VWC2L: variants seen among roughly 807,000 people sequenced by gnomAD.
VWC2L encodes the protein von Willebrand factor C domain-containing protein 2-like.
A neutral mutation model predicts 21.6 loss-of-function variants in VWC2L; 10 were observed. The ratio of observed to expected loss-of-function variants is 0.46; its 90% CI spans 0.29 to 0.78. The LOEUF (loss-of-function observed/expected upper bound fraction) is 0.78. Among genes scored for constraint, VWC2L ranks in the 30% least tolerant of loss-of-function variants. VWC2L has a pLI of 0.10. For missense variants in VWC2L, 209 were observed against 277.1 expected (o/e 0.75, Z 1.74); for synonymous variants, 96 against 94.3 (o/e 1.02, Z -0.10).
At chr2:214,490,285 A>G (rs1420002654) in intron 3 of VWC2L, among the ~76,000 whole-genome samples, 1 of 151,916 alleles carries the variant, frequency 6.6e-6, no homozygotes, top group Non-Finnish European at 1.5e-5. Flanking sequence ...TACTAGCCCC[A>G]AGTGCTTTAG....
In VWC2L at chr2:214,422,533, G is replaced by A. The variant is rs80289171; in HGVS notation, c.390+7950G>A. Among the ~76,000 whole-genome samples the A allele has an allele frequency of 8.3e-3, 1,268 of 152,278 alleles. 7 individuals are homozygous for A. The highest frequency in any genetic ancestry group is 0.01 in the Non-Finnish European group (714 of 68,024). Reference sequence around the variant, plus strand: ...TTTTTTAGTTGTCTTTTAGGGAAGCGTTTGAAACAAATAACTAAGAGGAGA... The same window carrying A: ...TTTTTTAGTTGTCTTTTAGGGAAGCATTTGAAACAAATAACTAAGAGGAGA... On this transcript the variant is annotated intron_variant, in intron 2 of 3. Coordinates refer to ENST00000312504, the MANE Select transcript of VWC2L (RefSeq NM_001080500.4).
chr2:214,504,130 A>G (rs950273990), intron 3 of VWC2L, among the ~76,000 whole-genome samples: 6 of 152,240 alleles, frequency 3.9e-5, no homozygotes, highest in Non-Finnish European at 1.5e-5. Context: ...ACTAAACAAA[A>G]ATCAAAAGAA....
rs539082225 is a variant in VWC2L, at chr2:214,448,098, C to G, written c.520+11340C>G. On this transcript the variant is annotated intron_variant, in intron 3 of 3. Coordinates refer to ENST00000312504, the MANE Select transcript of VWC2L (RefSeq NM_001080500.4). ...GTCCATTTTGCTGCTTTATTGTTCT[C>G]CACCATACCTACTGCCACATAAACA... Among the ~76,000 whole-genome samples, 98 of 152,156 alleles carry G rather than the reference C, an allele frequency of 6.4e-4. 1 individual carries two copies. Among genetic ancestry groups the G allele is most frequent in the Non-Finnish European group, 1.0e-3 (71 of 68,024 alleles).
At chr2:214,428,935 T>C (rs1214405022) in intron 2 of VWC2L, among the ~76,000 whole-genome samples, 2 of 152,042 alleles carry the variant, frequency 1.3e-5, no homozygotes, top group East Asian at 3.9e-4. Flanking sequence ...AGGTCTTAAA[T>C]TCAGTGTCAT....
rs559880221 is a variant in VWC2L at position 214,540,821 on chromosome 2, A to G, written c.521-34851A>G. ...GACTTGGGACAGATTTCATGGTAAT[A>G]TATGCCCTTAAGAGTGTCAAAATGT... is the stretch of plus-strand genomic sequence containing the variant. On this transcript the variant is annotated intron_variant, in intron 3 of 3. Transcript: ENST00000312504. Among the ~76,000 whole-genome samples the G allele has an allele frequency of 2.6e-5, 4 of 152,320 alleles. No homozygotes were observed. In the East Asian group the frequency reaches 7.7e-4, roughly 29 times the overall value.
intron 3 of VWC2L, among the ~76,000 whole-genome samples, chr2:214,514,367 A>C (rs932360915): frequency 6.6e-6 from 1 of 152,134 alleles, no homozygotes; most frequent in African/African-American, 2.4e-5. Flanking sequence ...TTTATGTAAC[A>C]GTGGAATATG....
chr2:214,546,348 T>C (rs1242591683), intron 3 of VWC2L, among the ~76,000 whole-genome samples: 1 of 152,180 alleles, frequency 6.6e-6, no homozygotes, highest in Non-Finnish European at 1.5e-5. Context: ...AAATGCTCCC[T>C]AGATCTTGTT....
chr2:214,478,501 C>T (rs547307409), intron 3 of VWC2L, among the ~76,000 whole-genome samples: 1 of 151,516 alleles, frequency 6.6e-6, no homozygotes, highest in African/African-American at 2.4e-5. Context: ...ACAACGACAA[C>T]AAAAAAAGAC....
At chr2:214,470,185 G>T (rs1381344669) in intron 3 of VWC2L, among the ~76,000 whole-genome samples, 1 of 151,600 alleles carries the variant, frequency 6.6e-6, no homozygotes, top group African/African-American at 2.4e-5. Flanking sequence ...AGCTGAAAAG[G>T]ATCTTGGAAA....
chr2:214,449,841 G>T (rs1203333918), intron 3 of VWC2L, among the ~76,000 whole-genome samples: 1 of 152,138 alleles, frequency 6.6e-6, no homozygotes, highest in African/African-American at 2.4e-5. Flanking sequence ...TGTTTGTCAG[G>T]GTGGATAACT....
At chr2:214,513,089 A>G (rs921993870) in intron 3 of VWC2L, among the ~76,000 whole-genome samples, 1 of 152,132 alleles carries the variant, frequency 6.6e-6, no homozygotes, top group African/African-American at 2.4e-5. Flanking sequence ...TCAGTTAAGT[A>G]AAAGATTATC....
intron 3 of VWC2L, among the ~76,000 whole-genome samples, chr2:214,455,492 C>T (rs553929028): frequency 6.6e-5 from 10 of 152,172 alleles, no homozygotes; most frequent in Middle Eastern, 3.4e-3. Flanking sequence ...TGACCAACTC[C>T]GAGTATTCAG....
chr2:214,566,660 A>G (rs920237682), intron 3 of VWC2L, among the ~76,000 whole-genome samples: 2 of 151,532 alleles, frequency 1.3e-5, no homozygotes, highest in East Asian at 1.9e-4. Flanking sequence ...GAGGCCCTCT[A>G]CTCTTTGGTC....
chr2:214,466,241 T>G (rs540967438), intron 3 of VWC2L, among the ~76,000 whole-genome samples: 2 of 152,206 alleles, frequency 1.3e-5, no homozygotes, highest in Non-Finnish European at 2.9e-5. Context: ...TTTTGAAAGA[T>G]ACTTTCACTA....
intron 3 of VWC2L, among the ~76,000 whole-genome samples, chr2:214,565,538 T>C (rs567985661): frequency 6.6e-6 from 1 of 152,142 alleles, no homozygotes; most frequent in Non-Finnish European, 1.5e-5. Context: ...AGACAGAAAA[T>C]CCACATAGAA....
At chr2:214,462,212 T>C (rs1703154595) in intron 3 of VWC2L, among the ~76,000 whole-genome samples, 1 of 152,148 alleles carries the variant, frequency 6.6e-6, no homozygotes, top group East Asian at 1.9e-4. Context: ...TACAATCTCA[T>C]GGACTCCAGG....
intron 3 of VWC2L, among the ~76,000 whole-genome samples, chr2:214,561,555 T>C (rs1054244777): frequency 1.1e-4 from 17 of 151,968 alleles, no homozygotes; most frequent in African/African-American, 3.9e-4. Flanking sequence ...ATGGGCCAAT[T>C]GCTCGAATCC....
intron 3 of VWC2L, among the ~76,000 whole-genome samples, chr2:214,491,536 AC>A (rs1467307094): frequency 2.6e-5 from 4 of 152,204 alleles, no homozygotes; most frequent in Non-Finnish European, 5.9e-5. Flanking sequence ...CTTTTGGATA[AC>A]CATTTTAGAT....
chr2:214,501,721 C>CAAA (rs776608301), intron 3 of VWC2L, among the ~76,000 whole-genome samples: 90 of 78,702 alleles, frequency 1.1e-3, no homozygotes, highest in South Asian at 2.1e-3. Flanking sequence ...GACTCTGTCT[C>CAAA]AAAAAAAAAA....
Sources: allele counts gnomAD v4.1 joint callset (sites outside exome capture counted in the v4.1 genomes callset), GRCh38; gene constraint gnomAD v4.1.1; transcripts MANE v1.5; gene names NCBI Gene and HGNC (gene_info 2026-07-23, HGNC 2026-07-21).